Variants in SCN2A observed in about 807,000 individuals in gnomAD.
The protein encoded by SCN2A is sodium channel protein type 2 subunit alpha.
A neutral mutation model predicts 188.7 loss-of-function variants in SCN2A; 20 were observed. That is an observed-to-expected ratio of 0.11 (90% CI 0.07 to 0.15). The LOEUF is 0.15. SCN2A is among the 10% of genes least tolerant of loss of function. SCN2A has a pLI of 1.00. For synonymous variants in SCN2A, 804 were observed against 833.1 expected (o/e 0.97, Z 0.60); for missense variants, 1,278 against 2,445.0 (o/e 0.52, Z 10.07).
At position 165,391,006 on chromosome 2, in the gene SCN2A, C is replaced by T. The variant is rs1310292176; in HGVS notation, c.*1182C>T. 1.3e-5 allele frequency: 2 copies of T among 152,480 alleles called. No homozygotes were observed. Among genetic ancestry groups the T allele is most frequent in the East Asian group, 3.9e-4 (2 of 5,186 alleles). The allele number at this position is 152,480 out of a possible 1,614,324, so 9.4% of individuals were successfully genotyped here. On this transcript the variant is annotated 3_prime_UTR_variant, in exon 27 of 27. Coordinates refer to ENST00000375437, the MANE Select transcript of SCN2A (RefSeq NM_001040142.2). ...CACTACTTATTGCATCAAATATGTA[C>T]CACAGTAAGTATAGTTTGCAAGCTT...
rs1209449938 is a variant in SCN2A, at chr2:165,380,877, G to A, written c.4446+148G>A. On this transcript the variant is annotated intron_variant, in intron 24 of 26. Transcript: ENST00000375437. ...CATTTGATAATCGATAAGCTTTTAA[G>A]CAATTAATAATTCAGATAGCATGTT... is the stretch of plus-strand genomic sequence containing the variant. 13 of 753,034 alleles carry A rather than the reference G, an allele frequency of 1.7e-5. No individual in the cohort carries two copies. The East Asian group carries it at 2.2e-4, about 13-fold the overall frequency. 46.6% of individuals were successfully genotyped at this position (753,034 alleles called of 1,614,324 possible). A position where few individuals can be genotyped will look rare whatever the true frequency, so the allele number is the denominator to read the frequency against.
At chr2:165,381,257 C>A in intron 25 of SCN2A, 60 bp downstream of exon 25, 2 of 1,223,820 alleles carry the variant, frequency 1.6e-6, no homozygotes, top group South Asian at 2.7e-5. Flanking sequence ...TTTCACAGCC[C>A]GAATTTCTAG....
At chr2:165,297,174 C>G (rs779392306) in intron 3 of SCN2A, 39 bp downstream of exon 3, 1 of 1,229,866 alleles carries the variant, frequency 8.1e-7, no homozygotes, top group South Asian at 1.2e-5. Context: ...TGATTTTCTT[C>G]TTTGACCAAG....
chr2:165,291,076 C>G (rs1696086274), intron 1 of SCN2A, among the ~76,000 whole-genome samples: 1 of 102,152 alleles, frequency 9.8e-6, no homozygotes, highest in Non-Finnish European at 1.8e-5. Context: ...GAGTTTCACT[C>G]TGTTGCCCAG....
chr2:165,386,613 T>G, intron 25 of SCN2A, 133 bp from the exon 26 acceptor site: 2 of 952,272 alleles, frequency 2.1e-6, no homozygotes, highest in Non-Finnish European at 1.5e-6. Context: ...TTTTTTTTTT[T>G]GTAAAATGTT....
In SCN2A at chr2:165,373,355, T is replaced by G. The variant is rs370314217; in HGVS notation, c.3972+8T>G. ...CGGTTTGAAGGAATGAGGGTAAGAC[T>G]GAATGCCTTAGAGTTTGTCAGAATT... On this transcript the variant is annotated splice_region_variant and intron_variant, in intron 21 of 26. Transcript: ENST00000375437. The G allele has an allele frequency of 3.1e-6, 5 of 1,612,910 alleles. No individual in the cohort carries two copies. In the South Asian group the frequency reaches 4.4e-5, roughly 14 times the overall value.
At chr2:165,260,045 G>T (rs1449409018) in intron 1 of SCN2A, among the ~76,000 whole-genome samples, 2 of 144,084 alleles carry the variant, frequency 1.4e-5, no homozygotes, top group Non-Finnish European at 3.0e-5. Flanking sequence ...CTGGGTTCCC[G>T]CCATTCTCCC....
intron 10 of SCN2A, 37 bp downstream of exon 10, chr2:165,314,145 T>A (rs1452584785): frequency 2.5e-6 from 4 of 1,593,374 alleles, no homozygotes; most frequent in Non-Finnish European, 3.4e-6. Flanking sequence ...TGTTTTTCTT[T>A]ATCTAAATTC....
At position 165,241,661 on chromosome 2, in the gene SCN2A, T is replaced by A. The variant is rs555573602; in HGVS notation, c.-52+2021T>A. ...CCTCAGGGAGGTTAACATGCAAATA[T>A]ACATGTGCAGATACCACTATATCTC... On this transcript the variant is annotated intron_variant, in intron 1 of 26. Coordinates refer to ENST00000375437, the MANE Select transcript of SCN2A (RefSeq NM_001040142.2). Among the ~76,000 whole-genome samples the A allele has an allele frequency of 5.9e-5, 9 of 152,290 alleles. 1 individual carries two copies. Among genetic ancestry groups the A allele is most frequent in the African/African-American group, 2.2e-4 (9 of 41,576 alleles).
chr2:165,387,056 G>T, intron 26 of SCN2A, 40 bp downstream of exon 26: 1 of 1,585,028 alleles, frequency 6.3e-7, no homozygotes. Context: ...GAATATAGTG[G>T]TAAAAATATG....
At chr2:165,320,058 G>A (rs1029723933) in intron 11 of SCN2A, among the ~76,000 whole-genome samples, 1 of 152,142 alleles carries the variant, frequency 6.6e-6, no homozygotes, top group African/African-American at 2.4e-5. Flanking sequence ...AAAATCAAAA[G>A]CAAGTTAGTT....
At chr2:165,363,036 A>G (rs2105351894) in intron 17 of SCN2A, among the ~76,000 whole-genome samples, 1 of 152,266 alleles carries the variant, frequency 6.6e-6, no homozygotes, top group East Asian at 1.9e-4. Context: ...AGGAGTGATA[A>G]TTGATGTTAC....
At chr2:165,280,585 C>G (rs1266427955) in intron 1 of SCN2A, among the ~76,000 whole-genome samples, 1 of 152,152 alleles carries the variant, frequency 6.6e-6, no homozygotes, top group Admixed American at 6.5e-5. Context: ...ATATCCTTAG[C>G]GAAGACTGAC....
At chr2:165,273,783 G>T (rs1305705799) in intron 1 of SCN2A, 3 of 152,058 alleles carry the variant, frequency 2.0e-5, no homozygotes, top group Non-Finnish European at 4.4e-5. Context: ...CATATATTTT[G>T]GTTGGGAGTG....
intron 1 of SCN2A, among the ~76,000 whole-genome samples, chr2:165,253,124 A>G (rs10182570): frequency 1.8e-4 from 28 of 151,804 alleles, no homozygotes; most frequent in African/African-American, 6.3e-4. Flanking sequence ...TTCCTAGAAC[A>G]TGAAAGGATA....
At chr2:165,241,029 T>A (rs930296319) in intron 1 of SCN2A, 5 of 152,116 alleles carry the variant, frequency 3.3e-5, no homozygotes, top group Non-Finnish European at 7.4e-5. Flanking sequence ...AAGGCAAGGC[T>A]AGAACAGTGA....
chr2:165,260,356 G>A (rs1694530538), intron 1 of SCN2A, among the ~76,000 whole-genome samples: 1 of 152,122 alleles, frequency 6.6e-6, no homozygotes, highest in African/African-American at 2.4e-5. Context: ...TGAGTGACTA[G>A]GTGCATTGTC....
chr2:165,276,799 T>C (rs1456674340), intron 1 of SCN2A, among the ~76,000 whole-genome samples: 3 of 152,164 alleles, frequency 2.0e-5, no homozygotes, highest in Non-Finnish European at 4.4e-5. Context: ...CAATCACTCA[T>C]CAGGAAGCTA....
chr2:165,366,693 G>A (rs1009533441), intron 18 of SCN2A, among the ~76,000 whole-genome samples: 4 of 125,756 alleles, frequency 3.2e-5, no homozygotes, highest in South Asian at 2.6e-4. Context: ...ACTCCAGCCC[G>A]GACAATAGAG....
Sources: gnomAD v4.1 joint callset for allele counts (sites outside exome capture counted in the v4.1 genomes callset) on GRCh38, gnomAD v4.1.1 for gene constraint, MANE v1.5 for transcripts, NCBI Gene and HGNC (gene_info 2026-07-23, HGNC 2026-07-21) for gene names.